SRSF12: variants seen among roughly 807,000 people sequenced by gnomAD.
SRSF12 encodes the protein serine/arginine-rich splicing factor 12.
In SRSF12, 21 loss-of-function variants were observed where a neutral mutation model predicts 34.1. That is an observed-to-expected ratio of 0.62 (90% CI 0.44 to 0.89). SRSF12 has a LOEUF of 0.89. Ranked by LOEUF, SRSF12 falls within the 40% of genes least tolerant of loss-of-function variation. The probability of loss-of-function intolerance (pLI) is 0.00; values close to 1 mark genes in which losing one functional copy is unlikely to be tolerated. For missense variants in SRSF12, 278 were observed against 327.8 expected (o/e 0.85, Z 1.17); for synonymous variants, 111 against 110.8 (o/e 1.00, Z -0.01).
intron 1 of SRSF12, among the ~76,000 whole-genome samples, chr6:89,111,034 C>T (rs1769023415): frequency 6.6e-6 from 1 of 152,022 alleles, no homozygotes; most frequent in Non-Finnish European, 1.5e-5. Context: ...ATCACTTGAG[C>T]CCAGGAGTTT....
chr6:89,105,230 T>A lies in SRSF12; in HGVS notation c.305A>T (p.His102Leu), dbSNP rs1172722275. 1 of 1,611,442 alleles carries A rather than the reference T, an allele frequency of 6.2e-7. No individual in the cohort carries two copies. The highest frequency in any genetic ancestry group is 2.2e-5 in the East Asian group (1 of 44,802). The part of the protein sequence containing the change: ...TPGQMKSKER[H>L]PCSPSDHRRS... ...CCTGTGATCACTTGGAGAACAAGGA[T>A]GACGTTCTTTTGATTTCATTTGGCC... The change falls in exon 4 of 5, where the codon CAT (histidine) becomes CTT (leucine). Residue 102 changes from histidine to leucine, a missense_variant. By Grantham distance (99) the His-to-Leu change is moderately conservative. Transcript: ENST00000452027.
chr6:89,117,084 GA>G (rs1449030658), intron 1 of SRSF12, among the ~76,000 whole-genome samples: 1 of 151,792 alleles, frequency 6.6e-6, no homozygotes, highest in Non-Finnish European at 1.5e-5. Flanking sequence ...AGTGCTATAT[GA>G]AAAAGTCATT....
At chr6:89,110,495 A>G (rs556007592) in intron 1 of SRSF12, among the ~76,000 whole-genome samples, 1 of 152,342 alleles carries the variant, frequency 6.6e-6, no homozygotes, top group African/African-American at 2.4e-5. Flanking sequence ...AAAGTTACAC[A>G]TGAAGACTTG....
intron 4 of SRSF12, among the ~76,000 whole-genome samples, chr6:89,101,739 G>A (rs1381534385): frequency 6.6e-6 from 1 of 152,028 alleles, no homozygotes; most frequent in Non-Finnish European, 1.5e-5. Flanking sequence ...AACCTTGCCA[G>A]AGAATGAAAG....
intron 1 of SRSF12, among the ~76,000 whole-genome samples, chr6:89,110,640 T>C (rs1288929272): frequency 6.6e-6 from 1 of 152,164 alleles, no homozygotes; most frequent in Non-Finnish European, 1.5e-5. Context: ...AGTTCTCCTT[T>C]TGATTCAGTT....
Position 89,096,151 on chromosome 6 carries a change from AATTCT to A in SRSF12, c.*2422_*2426del, listed in dbSNP as rs932194161. 1.3e-5 allele frequency: 2 copies of A among 151,380 alleles called. No individual in the cohort carries two copies. Among genetic ancestry groups the A allele is most frequent in the Non-Finnish European group, 2.9e-5 (2 of 68,004 alleles). 9.4% of individuals were successfully genotyped at this position (151,380 alleles called of 1,614,324 possible). A position where few individuals can be genotyped will look rare whatever the true frequency, so the allele number is the denominator to read the frequency against. On this transcript the variant is annotated 3_prime_UTR_variant, in exon 5 of 5. Coordinates refer to ENST00000452027, the MANE Select transcript of SRSF12 (RefSeq NM_080743.5). ...GAAGCCTACAGTCATTCCTTTTTCT[AATTCT>A]ATTCTCTCATTTCTTTCTAAACATG...
In SRSF12 at chr6:89,115,647, T is replaced by TC. The variant is rs1438309979; in HGVS notation, c.65+2175_65+2176insG. On this transcript the variant is annotated intron_variant, in intron 1 of 4. Transcript: ENST00000452027. Reference sequence around the variant, plus strand: ...TTTTTCTTTCTTTTTTTTTTTTTTTTTTTTTTGAGACGGAGTCCTCGCTCT... The same window carrying TC: ...TTTTTCTTTCTTTTTTTTTTTTTTTTCTTTTTTGAGACGGAGTCCTCGCTCT... 8.1e-3 allele frequency among the ~76,000 whole-genome samples: 1,040 copies of TC among 129,018 alleles called. 6 individuals are homozygous for TC. Among genetic ancestry groups the TC allele is most frequent in the Admixed American group, 0.017 (218 of 13,032 alleles). The allele number at this position is 129,018 out of a possible 152,430, so 84.6% of individuals were successfully genotyped here.
At chr6:89,109,677 C>A (rs1268001625) in intron 1 of SRSF12, among the ~76,000 whole-genome samples, 1 of 152,198 alleles carries the variant, frequency 6.6e-6, no homozygotes, top group Non-Finnish European at 1.5e-5. Flanking sequence ...AGCCAATTCC[C>A]ATTCACTGTC....
chr6:89,106,229 C>T (rs891678712), intron 2 of SRSF12, among the ~76,000 whole-genome samples: 1 of 152,134 alleles, frequency 6.6e-6, no homozygotes, highest in Non-Finnish European at 1.5e-5. Flanking sequence ...TCTCCCGCCT[C>T]AGCCTTCCAA....
At position 89,107,757 on chromosome 6, in the gene SRSF12, GA is replaced by G. The variant is rs576807385; in HGVS notation, c.66-500del. 9.2e-5 allele frequency among the ~76,000 whole-genome samples: 14 copies of G among 151,900 alleles called. No individual in the cohort carries two copies. The South Asian group carries it at 2.3e-3, about 25-fold the overall frequency. On this transcript the variant is annotated intron_variant, in intron 1 of 4. Coordinates refer to ENST00000452027, the MANE Select transcript of SRSF12 (RefSeq NM_080743.5). The stretch of plus-strand genomic sequence containing the variant: ...CCTGTCTCAAAAAAAAAGAAAACAC[GA>G]AAAAAACCTCCCTAGATTCTCAGAC...
chr6:89,100,516 T>A (rs1343202933), intron 4 of SRSF12, among the ~76,000 whole-genome samples: 1 of 76,892 alleles, frequency 1.3e-5, no homozygotes. Context: ...TGTCCACATG[T>A]TATGTTAAAA....
At chr6:89,107,956 A>G (rs1242796331) in intron 1 of SRSF12, among the ~76,000 whole-genome samples, 1 of 152,168 alleles carries the variant, frequency 6.6e-6, no homozygotes, top group African/African-American at 2.4e-5. Context: ...GAACACATTC[A>G]TTTTGCTTCA....
intron 1 of SRSF12, among the ~76,000 whole-genome samples, chr6:89,110,694 A>G (rs978657439): frequency 2.4e-4 from 36 of 152,136 alleles, no homozygotes; most frequent in African/African-American, 7.5e-4. Flanking sequence ...CTGCCTCCAG[A>G]CCCTATTCTC....
chr6:89,103,597 C>T (rs544123430), intron 4 of SRSF12, among the ~76,000 whole-genome samples: 1 of 152,324 alleles, frequency 6.6e-6, no homozygotes, highest in African/African-American at 2.4e-5. Flanking sequence ...TCCCAAAGTG[C>T]TGGGATTACA....
At chr6:89,106,846 C>T (rs992922349) in intron 2 of SRSF12, 118 of 388,550 alleles carry the variant, frequency 3.0e-4, no homozygotes, top group Middle Eastern at 1.1e-3. Flanking sequence ...TTGTCTTTTG[C>T]TTGATAAAGA....
chr6:89,108,790 A>T (rs1244630292), intron 1 of SRSF12, among the ~76,000 whole-genome samples: 1 of 152,234 alleles, frequency 6.6e-6, no homozygotes, highest in African/African-American at 2.4e-5. Flanking sequence ...GATTATATGC[A>T]TATTAATTAG....
chr6:89,101,036 G>C (rs1768514875), intron 4 of SRSF12, among the ~76,000 whole-genome samples: 1 of 150,908 alleles, frequency 6.6e-6, no homozygotes, highest in Non-Finnish European at 1.5e-5. Context: ...TTGAACCTGG[G>C]AGGCAGAGGT....
intron 4 of SRSF12, among the ~76,000 whole-genome samples, chr6:89,103,045 T>C (rs952695427): frequency 1.3e-5 from 2 of 152,170 alleles, no homozygotes; most frequent in African/African-American, 4.8e-5. Flanking sequence ...ATCACAGGTG[T>C]GAGCCACTGC....
chr6:89,115,735 C>T (rs1023900461), intron 1 of SRSF12, among the ~76,000 whole-genome samples: 3 of 150,072 alleles, frequency 2.0e-5, no homozygotes, highest in African/African-American at 7.4e-5. Context: ...CTCCCGGGTT[C>T]ACACCATTAT....
Sources: allele counts gnomAD v4.1 joint callset (sites outside exome capture counted in the v4.1 genomes callset), GRCh38; gene constraint gnomAD v4.1.1; transcripts MANE v1.5; gene names NCBI Gene and HGNC (gene_info 2026-07-23, HGNC 2026-07-21).